Variants in ZNF354C observed in about 807,000 individuals in gnomAD.
ZNF354C encodes KRAB-zinc finger protein synten.
Under a neutral mutation model 12.4 loss-of-function variants are expected in ZNF354C, and 7 were observed. The ratio of observed to expected loss-of-function variants is 0.56; its 90% CI spans 0.32 to 1.06. ZNF354C has a LOEUF of 1.06. Among genes scored for constraint, ZNF354C ranks in the 50% least tolerant of loss-of-function variants. The pLI, the probability that ZNF354C is intolerant of heterozygous loss-of-function variation, is 0.04. For missense variants in ZNF354C, 609 were observed against 658.0 expected (o/e 0.93, Z 0.81); for synonymous variants, 202 against 224.5 (o/e 0.90, Z 0.90).
At chr5:179,065,274 G>A (rs922436358) in intron 2 of ZNF354C, among the ~76,000 whole-genome samples, 6 of 152,010 alleles carry the variant, frequency 3.9e-5, no homozygotes, top group Non-Finnish European at 8.8e-5. Flanking sequence ...TGTGTGCCAG[G>A]GCCCCCCAGG....
In ZNF354C at chr5:179,081,697, G is replaced by A. The variant is rs1445343763; in HGVS notation, c.*1600G>A. 1 of 152,164 alleles carries A rather than the reference G, an allele frequency of 6.6e-6. No homozygotes were observed. The highest frequency in any genetic ancestry group is 1.5e-5 in the Non-Finnish European group (1 of 68,024). 9.4% of individuals were successfully genotyped at this position (152,164 alleles called of 1,614,324 possible). On this transcript the variant is annotated 3_prime_UTR_variant, in exon 5 of 5. Transcript: ENST00000315475. ...TACCCAGTAGTGGTGAGCATGCTTA[G>A]TACCCAAATTTTGGTTTCTAAATGC...
At chr5:179,077,809 C>CTTTTTTTT (rs1422265959) in intron 4 of ZNF354C, among the ~76,000 whole-genome samples, 4 of 121,312 alleles carry the variant, frequency 3.3e-5, no homozygotes, top group Admixed American at 1.9e-4. Flanking sequence ...CCCCCCACTC[C>CTTTTTTTT]TTTTTTTTTT....
Position 179,081,076 on chromosome 5 carries a change from A to G in ZNF354C, c.*979A>G, listed in dbSNP as rs2081504712. The G allele has an allele frequency of 6.6e-6, 1 of 152,150 alleles. No individual in the cohort carries two copies. The highest frequency in any genetic ancestry group is 6.5e-5 in the Admixed American group (1 of 15,276). 9.4% of individuals were successfully genotyped at this position (152,150 alleles called of 1,614,324 possible). A position where few individuals can be genotyped will look rare whatever the true frequency, so the allele number is the denominator to read the frequency against. On this transcript the variant is annotated 3_prime_UTR_variant, in exon 5 of 5. Coordinates refer to ENST00000315475, the MANE Select transcript of ZNF354C (RefSeq NM_014594.3). ...TGTGATCATTATAGGCTCGTTTCCA[A>G]CCTGAGGTCCCAAGAGTACTATTTG...
At chr5:179,073,928 G>A (rs189220149) in intron 2 of ZNF354C, among the ~76,000 whole-genome samples, 1 of 151,794 alleles carries the variant, frequency 6.6e-6, no homozygotes, top group African/African-American at 2.4e-5. Context: ...AAGTGCTAGG[G>A]TTACAGGTGT....
chr5:179,061,692 G>T (rs1171470057), intron 1 of ZNF354C, among the ~76,000 whole-genome samples: 1 of 152,060 alleles, frequency 6.6e-6, no homozygotes, highest in East Asian at 1.9e-4. Context: ...CTGGGAAGTG[G>T]CGCCCCAGGA....
At chr5:179,072,359 T>C (rs967960380) in intron 2 of ZNF354C, among the ~76,000 whole-genome samples, 3 of 151,540 alleles carry the variant, frequency 2.0e-5, no homozygotes, top group African/African-American at 7.3e-5. Flanking sequence ...TCAGTGACAG[T>C]TGAAGGTAGA....
rs560013532 is a variant in ZNF354C at position 179,080,988 on chromosome 5, C to T, written c.*891C>T. On this transcript the variant is annotated 3_prime_UTR_variant, in exon 5 of 5. Transcript: ENST00000315475. The stretch of plus-strand genomic sequence containing the variant: ...TAATTATAGCCTTTCATTGTACTAA[C>T]GAAGGATTTGAACTTAGTGAACAGA... 11 of 152,174 alleles carry T rather than the reference C, an allele frequency of 7.2e-5. No homozygotes were observed. Among genetic ancestry groups the T allele is most frequent in the Admixed American group, 3.3e-4 (5 of 15,278 alleles). The allele number at this position is 152,174 out of a possible 1,614,324, so 9.4% of individuals were successfully genotyped here.
Position 179,069,529 on chromosome 5 carries a change from T to C in ZNF354C, c.28-6916T>C, listed in dbSNP as rs762177726. ...AGTGAGCCCAGACTGGCCACTGCAC[T>C]CCAGCCTGGGCGACAGAGCAAGACT... is the stretch of plus-strand genomic sequence containing the variant. On this transcript the variant is annotated intron_variant, in intron 2 of 4. Transcript: ENST00000315475. Among the ~76,000 whole-genome samples the C allele has an allele frequency of 3.8e-3, 483 of 128,282 alleles. 1 individual carries two copies. The highest frequency in any genetic ancestry group is 9.7e-3 in the Admixed American group (106 of 10,962). 84.2% of individuals were successfully genotyped at this position (128,282 alleles called of 152,430 possible).
In ZNF354C at chr5:179,080,679, C is replaced by G. The variant is rs1360518284; in HGVS notation, c.*582C>G. On this transcript the variant is annotated 3_prime_UTR_variant, in exon 5 of 5. Coordinates refer to ENST00000315475, the MANE Select transcript of ZNF354C (RefSeq NM_014594.3). Reference sequence around the variant, plus strand: ...ATGTGTGTGTGTAAACATAAAAGTCCTTTATTATTAAAAAATGTAGTTTTA... The same window carrying G: ...ATGTGTGTGTGTAAACATAAAAGTCGTTTATTATTAAAAAATGTAGTTTTA... 6.6e-6 allele frequency: 1 copy of G among 151,910 alleles called. No individual in the cohort carries two copies. Among genetic ancestry groups the G allele is most frequent in the African/African-American group, 2.4e-5 (1 of 41,328 alleles). 9.4% of individuals were successfully genotyped at this position (151,910 alleles called of 1,614,324 possible). A position where few individuals can be genotyped will look rare whatever the true frequency, so the allele number is the denominator to read the frequency against.
chr5:179,074,672 C>T (rs564024438), intron 2 of ZNF354C, among the ~76,000 whole-genome samples: 3 of 152,224 alleles, frequency 2.0e-5, no homozygotes, highest in Admixed American at 6.5e-5. Context: ...CTAGTGCTTC[C>T]CTGAACTCTC....
intron 2 of ZNF354C, among the ~76,000 whole-genome samples, chr5:179,065,909 GTT>G (rs1181867853): frequency 6.6e-6 from 1 of 152,148 alleles, no homozygotes; most frequent in East Asian, 1.9e-4. Context: ...CTGAGGCACT[GTT>G]TGTCAAGTCT....
Position 179,079,527 on chromosome 5 carries a change from C to T in ZNF354C, c.1095C>T (p.Tyr365=), listed in dbSNP as rs1461849536. Residue 365 remains tyrosine, a synonymous_variant, in exon 5 of 5, where the codon TAC becomes TAT. Coordinates refer to ENST00000315475, the MANE Select transcript of ZNF354C (RefSeq NM_014594.3). This position sits in a 1 kb window ranked among gnomAD's most constrained non-coding sequence, Gnocchi z 4.2. ...AATGTAGTGAGTGTGGGAAGGGATACAGCCAGTTTACATCTCTAGCTGAAC... is the reference window on the plus strand; with the variant it reads ...AATGTAGTGAGTGTGGGAAGGGATATAGCCAGTTTACATCTCTAGCTGAAC... ...PYKCSECGKG[Y]SQFTSLAEHQ... is the part of the protein sequence containing the mutation. The T allele has an allele frequency of 1.2e-6, 2 of 1,614,018 alleles. No homozygotes were observed. Among genetic ancestry groups the T allele is most frequent in the African/African-American group, 2.7e-5 (2 of 74,924 alleles).
Position 179,062,081 on chromosome 5 carries a change from C to G in ZNF354C, c.13C>G (p.Leu5Val). MAVD[L>V]LSAQEPVTFR... is the part of the protein sequence containing the mutation. The stretch of plus-strand genomic sequence containing the variant: ...TGAGGAGGAAGGGATGGCTGTGGAT[C>G]TGCTGTCTGCTCAGGTGAGAGTGAG... Residue 5 changes from leucine (L) to valine (V), a missense_variant, in exon 2 of 5, where the codon CTG becomes GTG. Coordinates refer to ENST00000315475, the MANE Select transcript of ZNF354C (RefSeq NM_014594.3). The G allele has an allele frequency of 6.2e-7, 1 of 1,614,210 alleles. No individual in the cohort carries two copies. Among genetic ancestry groups the G allele is most frequent in the Non-Finnish European group, 8.5e-7 (1 of 1,180,038 alleles).
In ZNF354C at chr5:179,067,686, A is replaced by G. The variant is rs185178114; in HGVS notation, c.27+5591A>G. Among the ~76,000 whole-genome samples, 1,132 of 152,042 alleles carry G rather than the reference A, an allele frequency of 7.4e-3. 54 individuals carry two copies. Among genetic ancestry groups the G allele is most frequent in the Admixed American group, 0.065 (992 of 15,288 alleles). On this transcript the variant is annotated intron_variant, in intron 2 of 4. Coordinates refer to ENST00000315475, the MANE Select transcript of ZNF354C (RefSeq NM_014594.3). ...AACATGGCAAAACTCCGTCTCTACT[A>G]AAAATACAAAAATTAGCTGGGTGTG...
chr5:179,075,345 C>A (rs1185532867), intron 2 of ZNF354C, among the ~76,000 whole-genome samples: 1 of 151,838 alleles, frequency 6.6e-6, no homozygotes, highest in African/African-American at 2.4e-5. Context: ...TTGCTTGAAC[C>A]TGGGAGGCAG....
At position 179,062,093 on chromosome 5, in the gene ZNF354C, C is replaced by A; in HGVS notation, c.25C>A (p.Gln9Lys). 1 of 1,614,150 alleles carries A rather than the reference C, an allele frequency of 6.2e-7. No homozygotes were observed. Among genetic ancestry groups the A allele is most frequent in the South Asian group, 1.1e-5 (1 of 91,076 alleles). MAVDLLSAQEPVTFRDVAV... is the reference protein window; with the variant it reads MAVDLLSAKEPVTFRDVAV... Reference sequence around the variant, plus strand: ...GATGGCTGTGGATCTGCTGTCTGCTCAGGTGAGAGTGAGTGAAGGTTGTCT... The same window carrying A: ...GATGGCTGTGGATCTGCTGTCTGCTAAGGTGAGAGTGAGTGAAGGTTGTCT... The change falls in exon 2 of 5, where the codon CAG (glutamine) becomes AAG (lysine). Residue 9 changes from glutamine to lysine, a missense_variant and splice_region_variant. By Grantham distance (53) the Gln-to-Lys change is moderately conservative. Coordinates refer to ENST00000315475, the MANE Select transcript of ZNF354C (RefSeq NM_014594.3).
intron 4 of ZNF354C, 48 bp downstream of exon 4, chr5:179,077,214 G>T: frequency 1.4e-6 from 2 of 1,480,636 alleles, no homozygotes; most frequent in South Asian, 2.3e-5. Context: ...TTATAGACAA[G>T]TAGGTCACAA....
At chr5:179,074,349 C>A (rs1762086412) in intron 2 of ZNF354C, among the ~76,000 whole-genome samples, 1 of 150,986 alleles carries the variant, frequency 6.6e-6, no homozygotes, top group South Asian at 2.1e-4. Flanking sequence ...GAAGTTCTCG[C>A]ACTCCTGACC....
chr5:179,063,238 A>G (rs1467825115), intron 2 of ZNF354C, among the ~76,000 whole-genome samples: 1 of 152,204 alleles, frequency 6.6e-6, no homozygotes, highest in Non-Finnish European at 1.5e-5. Context: ...AATAATATAC[A>G]TACATGACTG....
Sources: gnomAD v4.1 joint callset for allele counts (sites outside exome capture counted in the v4.1 genomes callset) on GRCh38, gnomAD v4.1.1 for gene constraint, Gnocchi (gnomAD v3.1) non-coding constraint, MANE v1.5 for transcripts, NCBI Gene and HGNC (gene_info 2026-07-23, HGNC 2026-07-21) for gene names.